The following THSD4 variants were observed in gnomAD, a reference collection of about 807,000 sequenced individuals.
THSD4 encodes thrombospondin type-1 domain-containing protein 4.
A neutral mutation model predicts 119.0 loss-of-function variants in THSD4; 69 were observed. The observed-to-expected ratio is 0.58, with a 90% CI of 0.48 to 0.71. THSD4 has a LOEUF of 0.71. Among genes scored for constraint, THSD4 ranks in the 30% least tolerant of loss-of-function variants. The pLI is 0.00. For missense variants in THSD4, 1,393 were observed against 1,391.1 expected (o/e 1.00, Z -0.02); for synonymous variants, 524 against 540.4 (o/e 0.97, Z 0.42).
intron 3 of THSD4, 45 bp downstream of exon 3, chr15:71,154,977 T>TA: frequency 6.3e-7 from 1 of 1,588,582 alleles, no homozygotes; most frequent in Non-Finnish European, 8.6e-7. Flanking sequence ...CCCAAGGGGC[T>TA]AGGGCCACTG....
chr15:71,442,579 A>AAAAAAAAATATAT (rs1195413080), intron 7 of THSD4, among the ~76,000 whole-genome samples: 12 of 39,862 alleles, frequency 3.0e-4, no homozygotes, highest in Admixed American at 6.6e-4. Context: ...AAAAAAAAAA[A>AAAAAAAAATATAT]ATATATATAT....
At position 71,765,078 on chromosome 15, in the gene THSD4, A is replaced by G; in HGVS notation, c.2648A>G (p.Asn883Ser). 6.2e-7 allele frequency: 1 copy of G among 1,614,226 alleles called. No individual in the cohort carries two copies. The change falls in exon 16 of 18, where the codon AAT (asparagine) becomes AGT (serine). Residue 883 changes from asparagine to serine, a missense_variant. Physicochemically the swap from Asn to Ser is conservative, Grantham distance 46. Transcript: ENST00000261862. ...AGGGAGGTGATTTGTGTTAGAAAGA[A>G]TGCAGACACCTTTGAAGTGTTGGAC... ...QQREVICVRK[N>S]ADTFEVLDPS...
chr15:71,130,718 G>A (rs189006092), intron 1 of THSD4, among the ~76,000 whole-genome samples: 38 of 152,284 alleles, frequency 2.5e-4, no homozygotes, highest in Non-Finnish European at 5.0e-4. Flanking sequence ...AGCACAACCT[G>A]TCACATATTA....
At chr15:71,397,411 G>C (rs937925986) in intron 6 of THSD4, among the ~76,000 whole-genome samples, 1 of 152,158 alleles carries the variant, frequency 6.6e-6, no homozygotes, top group Non-Finnish European at 1.5e-5. Flanking sequence ...TCTGGAATAA[G>C]ATCCTCAATA....
chr15:71,231,926 G>T (rs1198648834), intron 4 of THSD4, among the ~76,000 whole-genome samples: 1 of 152,128 alleles, frequency 6.6e-6, no homozygotes, highest in Non-Finnish European at 1.5e-5. Flanking sequence ...CCATTTGCTC[G>T]CAGGCTCTTT....
chr15:71,425,416 C>T (rs1022447595), intron 7 of THSD4, among the ~76,000 whole-genome samples: 2 of 152,148 alleles, frequency 1.3e-5, no homozygotes, highest in Non-Finnish European at 2.9e-5. Flanking sequence ...ATTTTTCTCA[C>T]CTCCTCTTTC....
chr15:71,443,443 T>TCTCC lies in THSD4; in HGVS notation c.1152+31622_1152+31623insCCCT, dbSNP rs1033082150. Among the ~76,000 whole-genome samples the TCTCC allele has an allele frequency of 5.5e-4, 84 of 151,768 alleles. 1 individual carries two copies. Among genetic ancestry groups the TCTCC allele is most frequent in the Non-Finnish European group, 2.2e-4 (15 of 67,926 alleles). ...AAAGAAAAACAGATCCCTCTCTCTC[T>TCTCC]CTATGTATATATGAGCACCCCACCT... On this transcript the variant is annotated intron_variant, in intron 7 of 17. Transcript: ENST00000261862.
intron 7 of THSD4, among the ~76,000 whole-genome samples, chr15:71,654,541 C>G (rs1245793385): frequency 6.6e-6 from 1 of 152,136 alleles, no homozygotes; most frequent in Non-Finnish European, 1.5e-5. Context: ...TTTACTGGAT[C>G]AAACGGTCTA....
At chr15:71,525,868 A>G (rs114880015) in intron 7 of THSD4, among the ~76,000 whole-genome samples, 4,495 of 152,204 alleles carry the variant, frequency 0.03, 237 homozygotes, top group African/African-American at 0.1. Context: ...CAGACTCACC[A>G]CCTTTCCCAT....
At chr15:71,214,932 C>A in intron 3 of THSD4, 103 bp from the exon 4 acceptor site, 1 of 1,203,768 alleles carries the variant, frequency 8.3e-7, no homozygotes, top group East Asian at 3.6e-5. Flanking sequence ...TTGAAACAGA[C>A]TGTGCCTACT....
At chr15:71,242,358 C>T (rs899979867) in intron 4 of THSD4, among the ~76,000 whole-genome samples, 4 of 152,214 alleles carry the variant, frequency 2.6e-5, no homozygotes, top group East Asian at 1.9e-4. Context: ...AAAAATTACA[C>T]GCTGACCATA....
At chr15:71,243,121 G>A in intron 5 of THSD4, 25 bp downstream of exon 5, 1 of 1,575,528 alleles carries the variant, frequency 6.3e-7, no homozygotes, top group Non-Finnish European at 8.6e-7. Flanking sequence ...CCCATACCGG[G>A]CCTGGAAACA....
In THSD4 at chr15:71,726,924, C is replaced by T. The variant is rs138725441; in HGVS notation, c.1358-1625C>T. ...TGCACTCCGGCCTGGGCAACAAGAA[C>T]GAAACGCCATCTCAAAAAAAAAAAA... On this transcript the variant is annotated intron_variant, in intron 8 of 17. Transcript: ENST00000261862. 9.8e-3 allele frequency among the ~76,000 whole-genome samples: 1,468 copies of T among 149,856 alleles called. 26 individuals are homozygous for T. The highest frequency in any genetic ancestry group is 0.034 in the African/African-American group (1,393 of 40,698).
chr15:71,128,967 G>A (rs955420795), intron 1 of THSD4, among the ~76,000 whole-genome samples: 1 of 152,154 alleles, frequency 6.6e-6, no homozygotes, highest in African/African-American at 2.4e-5. Context: ...TGGTTTAGAT[G>A]AGGCTGGTGG....
At chr15:71,589,078 T>C (rs1336205562) in intron 7 of THSD4, among the ~76,000 whole-genome samples, 1 of 152,186 alleles carries the variant, frequency 6.6e-6, no homozygotes, top group Non-Finnish European at 1.5e-5. Context: ...ATAGCAGTTT[T>C]ACAATGGAGA....
At chr15:71,269,811 CAAAT>C (rs1731831311) in intron 6 of THSD4, among the ~76,000 whole-genome samples, 1 of 152,048 alleles carries the variant, frequency 6.6e-6, no homozygotes, top group Admixed American at 6.5e-5. Flanking sequence ...CAATAATAGA[CAAAT>C]AGAGAGCCAA....
At chr15:71,262,029 G>A (rs2044405943) in intron 6 of THSD4, among the ~76,000 whole-genome samples, 1 of 152,140 alleles carries the variant, frequency 6.6e-6, no homozygotes, top group South Asian at 2.1e-4. Context: ...GCTTCTGCAG[G>A]GCTTTACGGC....
intron 6 of THSD4, among the ~76,000 whole-genome samples, chr15:71,392,914 C>T (rs1358043552): frequency 6.6e-6 from 1 of 152,234 alleles, no homozygotes; most frequent in East Asian, 1.9e-4. Flanking sequence ...GCTCATGCCA[C>T]ACTTTGTGTG....
chr15:71,276,834 T>A (rs1342016671), intron 6 of THSD4, among the ~76,000 whole-genome samples: 2 of 152,194 alleles, frequency 1.3e-5, no homozygotes, highest in African/African-American at 4.8e-5. Flanking sequence ...AAAAACAATA[T>A]GTAGCGGATT....
Sources: allele counts gnomAD v4.1 joint callset (sites outside exome capture counted in the v4.1 genomes callset), GRCh38; gene constraint gnomAD v4.1.1; transcripts MANE v1.5; gene names NCBI Gene and HGNC (gene_info 2026-07-23, HGNC 2026-07-21).